NHSL2: variants seen among roughly 807,000 people sequenced by gnomAD.
NHSL2 encodes NHS like 2.
Under a neutral mutation model 53.4 loss-of-function variants are expected in NHSL2, and 27 were observed. The observed-to-expected ratio is 0.51, with a 90% CI of 0.37 to 0.70. NHSL2 has a LOEUF of 0.70. Ranked by LOEUF, NHSL2 falls within the 30% of genes least tolerant of loss-of-function variation. The probability of loss-of-function intolerance (pLI) is 0.00; values close to 1 mark genes in which losing one functional copy is unlikely to be tolerated. For missense variants in NHSL2, 892 were observed against 980.1 expected (o/e 0.91, Z 1.20); for synonymous variants, 408 against 404.1 (o/e 1.01, Z -0.12).
chrX:72,067,570 C>G (rs1305982737), intron 1 of NHSL2, among the ~76,000 whole-genome samples: 5 of 112,369 alleles, frequency 4.4e-5, no homozygotes, highest in African/African-American at 1.6e-4. Context: ...ATTCTCCAAG[C>G]TTCAGTTATT....
intron 1 of NHSL2, among the ~76,000 whole-genome samples, chrX:72,037,379 C>T (rs1166494964): frequency 9.1e-6 from 1 of 109,572 alleles, no homozygotes; most frequent in Non-Finnish European, 1.9e-5. Flanking sequence ...GCCGAGATGG[C>T]GCCACTGCAC....
chrX:71,935,003 G>GT (rs1202350860), intron 1 of NHSL2, among the ~76,000 whole-genome samples: 2 of 110,525 alleles, frequency 1.8e-5, no homozygotes, highest in Non-Finnish European at 3.8e-5. Flanking sequence ...TGGCAGGACC[G>GT]TTTTTTTGTT....
rs2042390281 is a variant in NHSL2, at chrX:72,139,334, C to T, written c.1786C>T (p.Gln596Ter). Residue 596 changes from glutamine to a stop codon, truncating the protein, a stop_gained, in exon 6 of 8, where the codon CAG (glutamine) becomes TAG (stop). Transcript: ENST00000633930. LOFTEE classifies it high-confidence loss of function. ...AGGTGGGTCAGCACTACCCAAGGACCAGAGGCCCAAGAGCCTTTGCCTCTC... is the reference window on the plus strand; with the variant it reads ...AGGTGGGTCAGCACTACCCAAGGACTAGAGGCCCAAGAGCCTTTGCCTCTC... Reference protein sequence around the residue: ...PEGGSALPKDQRPKSLCLSLE... With the variant: ...PEGGSALPKD 1.7e-6 allele frequency: 2 copies of T among 1,210,026 alleles called. No individual in the cohort carries two copies. Among genetic ancestry groups the T allele is most frequent in the Non-Finnish European group, 2.2e-6 (2 of 894,211 alleles).
intron 1 of NHSL2, among the ~76,000 whole-genome samples, chrX:72,049,009 A>AGAAGAAGAGGAAGAGGAAGAG (rs1556340802): frequency 1.2e-5 from 1 of 86,135 alleles, no homozygotes; most frequent in Admixed American, 1.3e-4. Context: ...AAGAAGAAGA[A>AGAAGAAGAGGAAGAGGAAGAG]GAAGAGGAAG....
intron 1 of NHSL2, among the ~76,000 whole-genome samples, chrX:71,977,807 A>G (rs947383840): frequency 1.7e-4 from 19 of 111,749 alleles, no homozygotes; most frequent in Non-Finnish European, 3.2e-4. Flanking sequence ...TGCTCCAGAC[A>G]CCTCATTAGG....
intron 1 of NHSL2, among the ~76,000 whole-genome samples, chrX:72,085,826 C>A (rs2041837699): frequency 9.3e-6 from 1 of 107,840 alleles, no homozygotes; most frequent in African/African-American, 3.4e-5. Context: ...CCTACTCCCT[C>A]CCTACCACCC....
At chrX:72,131,930 C>T in intron 1 of NHSL2, 149 bp from the exon 2 acceptor site, 1 of 523,842 alleles carries the variant, frequency 1.9e-6, no homozygotes, top group Admixed American at 3.9e-5. Context: ...AATCTTGCGG[C>T]CGGCGATTCC....
rs755795993 is a variant in NHSL2, at chrX:72,142,225, T to C, written c.3224-7T>C. The C allele has an allele frequency of 2.6e-6, 3 of 1,160,286 alleles. No individual in the cohort carries two copies. In the South Asian group the frequency reaches 5.8e-5, roughly 22 times the overall value. ...CAAAGTCATTCCTTTTGGTTTTTTA[T>C]GTCTAGGGAGTTCTGTGGAACCAGG... On this transcript the variant is annotated splice_polypyrimidine_tract_variant and splice_region_variant and intron_variant, in intron 6 of 7. Coordinates refer to ENST00000633930, the MANE Select transcript of NHSL2 (RefSeq NM_001013627.3).
chrX:72,000,323 A>G (rs1328232610), intron 1 of NHSL2, among the ~76,000 whole-genome samples: 2 of 112,027 alleles, frequency 1.8e-5, no homozygotes, highest in Non-Finnish European at 3.8e-5. Flanking sequence ...CATTTTACAG[A>G]TAAGGATATT....
At chrX:72,138,382 A>G in intron 5 of NHSL2, 59 bp from the exon 6 acceptor site, 3 of 985,872 alleles carry the variant, frequency 3.0e-6, no homozygotes, top group East Asian at 3.5e-5. Flanking sequence ...TCCTGTCTCA[A>G]AACAGCTGGT....
intron 1 of NHSL2, among the ~76,000 whole-genome samples, chrX:72,004,212 T>A (rs1481558613): frequency 2.7e-5 from 3 of 111,361 alleles, no homozygotes; most frequent in Non-Finnish European, 5.7e-5. Flanking sequence ...AAGACATGGG[T>A]GTGACTGTGG....
At chrX:72,060,286 A>G (rs756785211) in intron 1 of NHSL2, among the ~76,000 whole-genome samples, 13 of 111,990 alleles carry the variant, frequency 1.2e-4, no homozygotes, top group East Asian at 5.6e-4. Flanking sequence ...TGTTAGGTAC[A>G]TAGAGGGGCT....
At chrX:71,940,608 A>C (rs2041761257) in intron 1 of NHSL2, among the ~76,000 whole-genome samples, 1 of 110,437 alleles carries the variant, frequency 9.1e-6, no homozygotes, top group Non-Finnish European at 1.9e-5. Context: ...TGGAAGTGTT[A>C]ATCTTGGTTG....
rs149713686 is a variant in NHSL2, at chrX:72,063,639, G to A, written c.281-68440G>A. On this transcript the variant is annotated intron_variant, in intron 1 of 7. Transcript: ENST00000633930. ...AAACCAACTCATTCCATTCTGCCTCGAATAGTCAAGAAATTACTTTTCATG... is the reference window on the plus strand; with the variant it reads ...AAACCAACTCATTCCATTCTGCCTCAAATAGTCAAGAAATTACTTTTCATG... 6.6e-3 allele frequency among the ~76,000 whole-genome samples: 728 copies of A among 110,929 alleles called. 9 individuals carry two copies. The highest frequency in any genetic ancestry group is 0.022 in the African/African-American group (685 of 30,511).
Position 72,146,157 on chromosome X carries a change from C to T in NHSL2, c.*2583C>T, listed in dbSNP as rs777349178. 2.7e-5 allele frequency: 3 copies of T among 112,837 alleles called. No homozygotes were observed. Among genetic ancestry groups the T allele is most frequent in the African/African-American group, 9.7e-5 (3 of 31,068 alleles). 9.3% of individuals were successfully genotyped at this position (112,837 alleles called of 1,213,427 possible). On this transcript the variant is annotated 3_prime_UTR_variant, in exon 8 of 8. Coordinates refer to ENST00000633930, the MANE Select transcript of NHSL2 (RefSeq NM_001013627.3). The stretch of plus-strand genomic sequence containing the variant: ...GCTCAAGCGATCCTCTCGCCTTGGC[C>T]TCCCAAAGTGCTGGGATTAAAGGAG...
chrX:72,019,516 T>C (rs1419021891), intron 1 of NHSL2, among the ~76,000 whole-genome samples: 1 of 112,226 alleles, frequency 8.9e-6, no homozygotes, highest in Non-Finnish European at 1.9e-5. Context: ...CCCGAGTACA[T>C]GGAACAGTGC....
chrX:71,979,407 T>TAC (rs2041964296), intron 1 of NHSL2, among the ~76,000 whole-genome samples: 1 of 111,425 alleles, frequency 9.0e-6, no homozygotes, highest in South Asian at 3.8e-4. Flanking sequence ...TTTCTCCACG[T>TAC]CCTCTCCAGC....
In NHSL2 at chrX:71,910,904, G is replaced by A; in HGVS notation, c.-184G>A. On this transcript the variant is annotated 5_prime_UTR_variant, in exon 1 of 8. Transcript: ENST00000633930. ...CGGGGGAGCCGGCGCTCTAGGCGAG[G>A]AACCCGTCAGCCCGCCTACCCGCCC... 3.8e-6 allele frequency: 1 copy of A among 260,403 alleles called. No homozygotes were observed. 21.5% of individuals were successfully genotyped at this position (260,403 alleles called of 1,213,427 possible).
intron 1 of NHSL2, among the ~76,000 whole-genome samples, chrX:71,914,972 CAG>C (rs1415257194): frequency 9.1e-6 from 1 of 110,299 alleles, no homozygotes; most frequent in Non-Finnish European, 1.9e-5. Context: ...AGAGGGTTGA[CAG>C]AGTATGGAGG....
Sources: gnomAD v4.1 joint callset for allele counts (sites outside exome capture counted in the v4.1 genomes callset) on GRCh38, gnomAD v4.1.1 for gene constraint, MANE v1.5 for transcripts, NCBI Gene and HGNC (gene_info 2026-07-23, HGNC 2026-07-21) for gene names.